The following NEDD4L variants were observed in gnomAD, a reference collection of about 807,000 sequenced individuals.
The protein encoded by NEDD4L is NEDD4 like E3 ubiquitin protein ligase.
Under a neutral mutation model 148.9 loss-of-function variants are expected in NEDD4L, and 54 were observed. The ratio of observed to expected loss-of-function variants is 0.36; its 90% confidence interval spans 0.29 to 0.45. NEDD4L has a LOEUF of 0.45. NEDD4L is among the 20% of genes least tolerant of loss of function. The probability of loss-of-function intolerance (pLI) is 1.00; values close to 1 mark genes in which losing one functional copy is unlikely to be tolerated. For synonymous variants in NEDD4L, 433 were observed against 440.7 expected, an observed-to-expected ratio of 0.98 and a Z score of 0.22; for missense variants, 856 against 1,233.8, an observed-to-expected ratio of 0.69 and a Z score of 4.59.
At position 58,281,957 on chromosome 18, in the gene NEDD4L, G is replaced by A. The variant is rs543716440; in HGVS notation, c.297+29903G>A. Among the ~76,000 whole-genome samples the A allele has an allele frequency of 4.8e-4, 73 of 151,492 alleles. No individual in the cohort carries two copies. The East Asian group carries it at 0.01, about 21-fold the overall frequency. Reference sequence around the variant, plus strand: ...GGAGAATGGCATGAACCCGGGAGGCGGAGCTTGCAGTGAGCCGAGATCGCG... The same window carrying A: ...GGAGAATGGCATGAACCCGGGAGGCAGAGCTTGCAGTGAGCCGAGATCGCG... On this transcript the variant is annotated intron_variant, in intron 5 of 30. Coordinates refer to ENST00000400345, the MANE Select transcript of NEDD4L (RefSeq NM_001144967.3).
chr18:58,157,227 T>C (rs1419006474), intron 1 of NEDD4L, among the ~76,000 whole-genome samples: 2 of 151,718 alleles, frequency 1.3e-5, no homozygotes, highest in African/African-American at 4.8e-5. Context: ...AGAAACCAGA[T>C]TAAACATTCC....
chr18:58,175,125 A>G (rs79505483), intron 2 of NEDD4L, among the ~76,000 whole-genome samples: 1 of 152,060 alleles, frequency 6.6e-6, no homozygotes, highest in Non-Finnish European at 1.5e-5. Flanking sequence ...AAACAAAAAA[A>G]TGCAAATCCT....
chr18:58,275,269 T>C (rs1195401754), intron 5 of NEDD4L, among the ~76,000 whole-genome samples: 1 of 152,146 alleles, frequency 6.6e-6, no homozygotes, highest in Non-Finnish European at 1.5e-5. Flanking sequence ...CATTGTAAAG[T>C]CTACATCCTC....
Position 58,044,534 on chromosome 18 carries a change from C to G in NEDD4L, c.-127C>G. ...TCACCTGCCGGCGCCCGGCCGCTTA[C>G]CCGGCAGGGCGTGCGCAGGGTAGGG... On this transcript the variant is annotated 5_prime_UTR_variant, in exon 1 of 31. Transcript: ENST00000400345. 8.1e-7 allele frequency: 1 copy of G among 1,237,424 alleles called. No homozygotes were observed. Among genetic ancestry groups the G allele is most frequent in the Non-Finnish European group, 1.0e-6 (1 of 976,888 alleles). The allele number at this position is 1,237,424 out of a possible 1,614,324, so 76.7% of individuals were successfully genotyped here. A position where few individuals can be genotyped will look rare whatever the true frequency, so the allele number is the denominator to read the frequency against.
intron 1 of NEDD4L, among the ~76,000 whole-genome samples, chr18:58,131,108 G>A (rs1170856129): frequency 8.4e-5 from 12 of 142,380 alleles, no homozygotes; most frequent in African/African-American, 1.6e-4. Context: ...GTGATCTAGC[G>A]GAACTGTGGC....
intron 5 of NEDD4L, among the ~76,000 whole-genome samples, chr18:58,265,087 G>C (rs773613020): frequency 2.0e-5 from 3 of 151,762 alleles, no homozygotes; most frequent in Non-Finnish European, 4.4e-5. Flanking sequence ...GGCTGGGAGG[G>C]ACAGGAACTG....
At chr18:58,229,859 G>A (rs550803345) in intron 2 of NEDD4L, among the ~76,000 whole-genome samples, 29 of 152,130 alleles carry the variant, frequency 1.9e-4, no homozygotes, top group African/African-American at 6.5e-4. Flanking sequence ...GCGTGGTGGC[G>A]GGCACCTGTA....
intron 1 of NEDD4L, among the ~76,000 whole-genome samples, chr18:58,145,533 T>C (rs2034007468): frequency 6.6e-6 from 1 of 152,192 alleles, no homozygotes; most frequent in Admixed American, 6.5e-5. Context: ...TATTAGTACT[T>C]TACCCTAGCT....
Position 58,180,783 on chromosome 18 carries a change from T to TGATG in NEDD4L, c.122+14923_122+14926dup, listed in dbSNP as rs551821749. 1.8e-4 allele frequency among the ~76,000 whole-genome samples: 27 copies of TGATG among 152,366 alleles called. 1 individual carries two copies. The South Asian group carries it at 3.9e-3, about 22-fold the overall frequency. On this transcript the variant is annotated intron_variant, in intron 2 of 30. Coordinates refer to ENST00000400345, the MANE Select transcript of NEDD4L (RefSeq NM_001144967.3). ...GTCCTCCCTACATTAAAGTTAGCAC[T>TGATG]GATGCCTTTATGTTTAAGGAAAGCC...
At chr18:58,065,909 G>C (rs1386284255) in intron 1 of NEDD4L, among the ~76,000 whole-genome samples, 1 of 152,230 alleles carries the variant, frequency 6.6e-6, no homozygotes, top group African/African-American at 2.4e-5. Flanking sequence ...GGAAGGTTGA[G>C]GAGGGTATTG....
intron 1 of NEDD4L, among the ~76,000 whole-genome samples, chr18:58,058,431 C>A (rs62094340): frequency 1.9e-3 from 13 of 6,766 alleles, no homozygotes; most frequent in Admixed American, 0.019. Context: ...GGAACTCTTT[C>A]ATCTTGCAAA....
At chr18:58,060,756 A>G (rs947941741) in intron 1 of NEDD4L, among the ~76,000 whole-genome samples, 5 of 151,972 alleles carry the variant, frequency 3.3e-5, no homozygotes, top group Admixed American at 3.3e-4. Flanking sequence ...ACATTTGGCA[A>G]TGCCTGGAGA....
At chr18:58,139,166 T>C (rs1171085027) in intron 1 of NEDD4L, among the ~76,000 whole-genome samples, 3 of 152,226 alleles carry the variant, frequency 2.0e-5, no homozygotes, top group Admixed American at 6.5e-5. Flanking sequence ...GTTATTCTGT[T>C]AGAAAACTGA....
At chr18:58,294,765 C>T (rs2055317194) in intron 5 of NEDD4L, among the ~76,000 whole-genome samples, 1 of 151,978 alleles carries the variant, frequency 6.6e-6, no homozygotes, top group Admixed American at 6.6e-5. Context: ...AGGCAATCCT[C>T]CTGCCTCAGC....
chr18:58,340,931 AT>A, intron 13 of NEDD4L, 106 bp from the exon 14 acceptor site: 1 of 1,178,194 alleles, frequency 8.5e-7, no homozygotes, highest in South Asian at 1.5e-5. Context: ...AATAGATCTA[AT>A]TAACTTTGTC....
chr18:58,172,381 A>T (rs1221758780), intron 2 of NEDD4L, among the ~76,000 whole-genome samples: 1 of 152,152 alleles, frequency 6.6e-6, no homozygotes, highest in Non-Finnish European at 1.5e-5. Flanking sequence ...GTGTGCAGTT[A>T]GGGTAGGTGA....
chr18:58,166,597 A>C (rs796312183), intron 2 of NEDD4L, among the ~76,000 whole-genome samples: 1 of 152,214 alleles, frequency 6.6e-6, no homozygotes, highest in Admixed American at 6.5e-5. Flanking sequence ...TTTCCATTTT[A>C]TGGTTGACAA....
chr18:58,309,764 G>T (rs2057471722), intron 5 of NEDD4L, among the ~76,000 whole-genome samples: 1 of 151,640 alleles, frequency 6.6e-6, no homozygotes, highest in Non-Finnish European at 1.5e-5. Context: ...GCTTATATTT[G>T]GTGTGGGGCA....
chr18:58,324,997 A>T lies in NEDD4L; in HGVS notation c.515A>T (p.His172Leu), dbSNP rs772551955. The T allele has an allele frequency of 6.2e-7, 1 of 1,613,264 alleles. No homozygotes were observed. Among genetic ancestry groups the T allele is most frequent in the Non-Finnish European group, 8.5e-7 (1 of 1,179,406 alleles). Residue 172 changes from histidine to leucine, a missense_variant and splice_region_variant, in exon 9 of 31, where the codon CAT (histidine) becomes CTT (leucine). By Grantham distance (99) the His-to-Leu change is moderately conservative. Around this residue, in one of 4 missense-constraint regions of NEDD4L, gnomAD observed 193 missense variants for 244.2 expected, o/e 0.79. Coordinates refer to ENST00000400345, the MANE Select transcript of NEDD4L (RefSeq NM_001144967.3). ...CGTCCCTTTAACTTTATTCCGCAGCATGGATGGGAAGTTGTTGACTCAAAT... is the reference window on the plus strand; with the variant it reads ...CGTCCCTTTAACTTTATTCCGCAGCTTGGATGGGAAGTTGTTGACTCAAAT... ...ENSDQRDDME[H>L]GWEVVDSNDS...
Sources: allele counts gnomAD v4.1 joint callset (sites outside exome capture counted in the v4.1 genomes callset), GRCh38; gene constraint gnomAD v4.1.1; regional missense constraint gnomAD v4.1.1; transcripts MANE v1.5; gene names NCBI Gene and HGNC (gene_info 2026-07-23, HGNC 2026-07-21).